The following CENPE variants were observed in gnomAD, a reference collection of about 807,000 sequenced individuals.
CENPE encodes centromere-associated protein E.
A neutral mutation model predicts 336.1 loss-of-function variants in CENPE; 145 were observed. That is an observed-to-expected ratio of 0.43 (90% CI 0.38 to 0.50). CENPE has a LOEUF of 0.50. CENPE is among the 20% of genes least tolerant of loss of function. The pLI is 0.00. For missense variants in CENPE, 2,719 were observed against 3,023.3 expected (o/e 0.90, Z 2.36); for synonymous variants, 1,013 against 984.8 (o/e 1.03, Z -0.54).
intron 18 of CENPE, 110 bp downstream of exon 18, chr4:103,163,027 T>G (rs1754586177): frequency 3.8e-6 from 3 of 795,360 alleles, no homozygotes; most frequent in Non-Finnish European, 5.6e-6. Flanking sequence ...ATATATAAAT[T>G]TATTACAACA....
chr4:103,126,519 C>A (rs1371210231), intron 42 of CENPE, among the ~76,000 whole-genome samples: 1 of 152,042 alleles, frequency 6.6e-6, no homozygotes, highest in East Asian at 1.9e-4. Flanking sequence ...ATCATGCCTG[C>A]TTTTCAGCAA....
chr4:103,140,533 T>C, intron 36 of CENPE, 119 bp from the exon 37 acceptor site: 1 of 779,596 alleles, frequency 1.3e-6, no homozygotes, highest in Non-Finnish European at 1.9e-6. Flanking sequence ...ACAACCATTA[T>C]ACAACCTCCT....
intron 18 of CENPE, among the ~76,000 whole-genome samples, chr4:103,162,154 A>G (rs2125978991): frequency 6.6e-6 from 1 of 151,934 alleles, no homozygotes; most frequent in Middle Eastern, 3.4e-3. Flanking sequence ...CCAGGGCCTC[A>G]GAATAGGATG....
In CENPE at chr4:103,123,015, T is replaced by C. The variant is rs1750773708; in HGVS notation, c.6999A>G (p.Lys2333=). The C allele has an allele frequency of 6.2e-7, 1 of 1,614,012 alleles. No homozygotes were observed. Among genetic ancestry groups the C allele is most frequent in the Non-Finnish European group, 8.5e-7 (1 of 1,179,910 alleles). The change falls in exon 43 of 49, where the codon AAA becomes AAG. Residue 2333 remains lysine (K), a synonymous_variant. Transcript: ENST00000265148. Reference sequence around the variant, plus strand: ...GTTTTTCATTTTTCTCTTTCAGTGATTTCAGGTCCTGTTCCCACTCTTTGG... The same window carrying C: ...GTTTTTCATTTTTCTCTTTCAGTGACTTCAGGTCCTGTTCCCACTCTTTGG... ...TISKEWEQDL[K]SLKEKNEKLF... is the part of the protein sequence containing the mutation.
chr4:103,189,636 G>A (rs570492779), intron 8 of CENPE, among the ~76,000 whole-genome samples: 1 of 152,096 alleles, frequency 6.6e-6, no homozygotes, highest in African/African-American at 2.4e-5. Context: ...TTGATGGGAC[G>A]TATCTCAAAA....
intron 40 of CENPE, among the ~76,000 whole-genome samples, chr4:103,135,577 A>G (rs1024868668): frequency 1.8e-4 from 27 of 152,168 alleles, no homozygotes; most frequent in African/African-American, 6.5e-4. Context: ...CCTCCCTAGT[A>G]GTACAGTCAC....
At position 103,153,124 on chromosome 4, in the gene CENPE, C is replaced by T. The variant is rs375949295; in HGVS notation, c.3160G>A (p.Glu1054Lys). 2 of 1,612,814 alleles carry T rather than the reference C, an allele frequency of 1.2e-6. No homozygotes were observed. The change falls in exon 25 of 49, where the codon GAA becomes AAA. Residue 1054 changes from glutamate (E) to lysine (K), a missense_variant. Glu to Lys is a moderately conservative substitution (Grantham distance 56, BLOSUM62 1). Around this residue, in one of 5 missense-constraint regions of CENPE, gnomAD observed 2,437 missense variants for 2,513.3 expected, o/e 0.97. Transcript: ENST00000265148. ...KIFSLIQEKN[E>K]LQQMLESVIA... The stretch of plus-strand genomic sequence containing the variant: ...ACACTCTCTAACATTTGTTGGAGTT[C>T]ATTTTTCTCCTGTATTAAAGAAAAT...
At chr4:103,143,447 T>C (rs746155189) in intron 33 of CENPE, 41 bp from the exon 34 acceptor site, 5 of 1,305,910 alleles carry the variant, frequency 3.8e-6, no homozygotes, top group South Asian at 3.7e-5. Flanking sequence ...TTGAGAGTAG[T>C]ACCATCCACA....
At chr4:103,122,830 G>A (rs1479415139) in intron 43 of CENPE, 41 bp downstream of exon 43, 2 of 1,451,122 alleles carry the variant, frequency 1.4e-6, no homozygotes, top group Non-Finnish European at 1.9e-6. Flanking sequence ...ACTCTGTGAT[G>A]AAGCTGCAAA....
chr4:103,109,098 T>TG lies in CENPE; in HGVS notation c.7725-10dup. 1 of 1,595,998 alleles carries TG rather than the reference T, an allele frequency of 6.3e-7. No individual in the cohort carries two copies. Among genetic ancestry groups the TG allele is most frequent in the Non-Finnish European group, 8.5e-7 (1 of 1,172,246 alleles). On this transcript the variant is annotated splice_polypyrimidine_tract_variant and intron_variant, in intron 47 of 48. Transcript: ENST00000265148. ...AAAGATGCTGATTATTGCTTAAATG[T>TG]GGGGGAAGAAAAGAGAGACTGTAAG... is the stretch of plus-strand genomic sequence containing the variant.
At position 103,122,139 on chromosome 4, in the gene CENPE, G is replaced by A. The variant is rs535910187; in HGVS notation, c.7143+732C>T. Among the ~76,000 whole-genome samples, 3 of 152,266 alleles carry A rather than the reference G, an allele frequency of 2.0e-5. No homozygotes were observed. In the East Asian group the frequency reaches 5.8e-4, roughly 29 times the overall value. On this transcript the variant is annotated intron_variant, in intron 43 of 48. Transcript: ENST00000265148. ...TTCCTCTATTTTATCTGTAGCAGCT[G>A]ACTGAGGTCTGTAATGCCCTACAAA... is the stretch of plus-strand genomic sequence containing the variant.
At position 103,108,986 on chromosome 4, in the gene CENPE, T is replaced by G. The variant is rs760304478; in HGVS notation, c.7828A>C (p.Lys2610Gln). Reference sequence around the variant, plus strand: ...TTTTTAGAAGCTGTTCCAGTCACTTTAGGAGACTTTGGAGAATTCTCACAA... The same window carrying G: ...TTTTTAGAAGCTGTTCCAGTCACTTGAGGAGACTTTGGAGAATTCTCACAA... ...VTCENSPKSP[K>Q]VTGTASKKKQ... Residue 2610 changes from lysine (K) to glutamine (Q), a missense_variant, in exon 48 of 49, where the codon AAA (lysine) becomes CAA (glutamine). Physicochemically the swap from Lys to Gln is moderately conservative, Grantham distance 53. Transcript: ENST00000265148. 27 of 1,613,818 alleles carry G rather than the reference T, an allele frequency of 1.7e-5. No homozygotes were observed. The highest frequency in any genetic ancestry group is 2.2e-5 in the Non-Finnish European group (26 of 1,179,750).
intron 46 of CENPE, among the ~76,000 whole-genome samples, chr4:103,111,442 C>T (rs891715754): frequency 2.0e-4 from 30 of 152,158 alleles, no homozygotes; most frequent in Non-Finnish European, 4.0e-4. Flanking sequence ...GTATTCAATA[C>T]ATATTATTAA....
chr4:103,194,195 A>G lies in CENPE; in HGVS notation c.693+34T>C, dbSNP rs530189851. 200 of 1,555,208 alleles carry G rather than the reference A, an allele frequency of 1.3e-4. No homozygotes were observed. The East Asian group carries it at 4.2e-3, about 32-fold the overall frequency. The stretch of plus-strand genomic sequence containing the variant: ...ACTAAATTAAATTTTGTTTTGGCCC[A>G]TACAGTACATTATTATGGTTCATTA... On this transcript the variant is annotated intron_variant, in intron 8 of 48. Transcript: ENST00000265148.
intron 45 of CENPE, 143 bp from the exon 46 acceptor site, chr4:103,114,695 T>C: frequency 1.6e-6 from 1 of 614,896 alleles, no homozygotes; most frequent in Non-Finnish European, 2.9e-6. Flanking sequence ...TCGTGATACC[T>C]CTCTGGTGCC....
intron 43 of CENPE, among the ~76,000 whole-genome samples, chr4:103,121,225 A>C (rs1750592341): frequency 1.3e-5 from 2 of 152,232 alleles, no homozygotes. Context: ...TTCTAAAAAT[A>C]GTATACACAC....
chr4:103,138,201 T>C (rs1379110796), intron 39 of CENPE, 150 bp downstream of exon 39: 9 of 624,562 alleles, frequency 1.4e-5, no homozygotes, highest in South Asian at 1.9e-5. Flanking sequence ...ATATGCATTA[T>C]ACCCACACAC....
At chr4:103,188,361 A>G (rs1395397251) in intron 8 of CENPE, among the ~76,000 whole-genome samples, 1 of 152,046 alleles carries the variant, frequency 6.6e-6, no homozygotes, top group Admixed American at 6.6e-5. Context: ...AGCACATCAC[A>G]CTTATTCCAA....
At chr4:103,184,277 AC>A (rs1456498743) in intron 9 of CENPE, among the ~76,000 whole-genome samples, 1 of 152,210 alleles carries the variant, frequency 6.6e-6, no homozygotes, top group Non-Finnish European at 1.5e-5. Flanking sequence ...AGTCTGTTGA[AC>A]AAACTTCTAA....
Sources: allele counts gnomAD v4.1 joint callset (sites outside exome capture counted in the v4.1 genomes callset), GRCh38; gene constraint gnomAD v4.1.1; regional missense constraint gnomAD v4.1.1; transcripts MANE v1.5; gene names NCBI Gene and HGNC (gene_info 2026-07-23, HGNC 2026-07-21).